Variants in COL25A1 observed in about 807,000 individuals in gnomAD.
COL25A1 encodes collagen type XXV alpha 1 chain, also known as collagen alpha-1(XXV) chain.
COL25A1 carries 103 observed loss-of-function variants against 128.4 expected under a neutral mutation model. The observed-to-expected ratio is 0.80, with a 90% CI of 0.68 to 0.94. The LOEUF (loss-of-function observed/expected upper bound fraction) is 0.94, where lower values mean the gene tolerates loss of function less well. Ranked by LOEUF, COL25A1 falls within the 40% of genes least tolerant of loss-of-function variation. COL25A1 has a pLI of 0.00. For synonymous variants in COL25A1, 279 were observed against 277.2 expected (o/e 1.01, Z -0.06); for missense variants, 745 against 840.0 (o/e 0.89, Z 1.40).
chr4:108,960,847 T>G (rs541479601), intron 8 of COL25A1, among the ~76,000 whole-genome samples: 1 of 152,152 alleles, frequency 6.6e-6, no homozygotes, highest in Non-Finnish European at 1.5e-5. Context: ...CAGTCTTTGA[T>G]GCGATCATCA....
intron 8 of COL25A1, among the ~76,000 whole-genome samples, chr4:108,964,924 T>C (rs1039451658): frequency 2.6e-5 from 4 of 152,210 alleles, no homozygotes; most frequent in African/African-American, 9.6e-5. Context: ...CATTGTGTTA[T>C]ATCCATTCCC....
At chr4:108,948,990 C>T (rs557607030) in intron 8 of COL25A1, among the ~76,000 whole-genome samples, 2 of 152,118 alleles carry the variant, frequency 1.3e-5, no homozygotes, top group East Asian at 3.9e-4. Flanking sequence ...AAAGTGTTCC[C>T]TAATGACATA....
At chr4:109,010,266 C>T (rs1756447376) in intron 6 of COL25A1, 92 bp downstream of exon 6, 2 of 1,059,598 alleles carry the variant, frequency 1.9e-6, no homozygotes, top group South Asian at 2.9e-5. Flanking sequence ...CAGTTCATAG[C>T]TTTTTTATAT....
chr4:108,905,554 ATTAC>A (rs1743384139), intron 13 of COL25A1, among the ~76,000 whole-genome samples: 2 of 150,706 alleles, frequency 1.3e-5, no homozygotes, highest in East Asian at 1.9e-4. Context: ...TAATAATAAT[ATTAC>A]TTGTTTCTTT....
At chr4:109,220,038 T>C (rs1181646902) in intron 3 of COL25A1, among the ~76,000 whole-genome samples, 1 of 152,222 alleles carries the variant, frequency 6.6e-6, no homozygotes, top group African/African-American at 2.4e-5. Flanking sequence ...CTGTCATTTA[T>C]AGTCTTACTT....
At position 109,013,841 on chromosome 4, in the gene COL25A1, A is replaced by C. The variant is rs4085275; in HGVS notation, c.421-3466T>G. On this transcript the variant is annotated intron_variant, in intron 5 of 37. Coordinates refer to ENST00000399132, the MANE Select transcript of COL25A1 (RefSeq NM_198721.4). ...ATCTTTAAGAACTGTAACACTCACC[A>C]TGAGAATCCGTGGCTTCATTCTTGA... is the stretch of plus-strand genomic sequence containing the variant. Among the ~76,000 whole-genome samples, 5 of 151,938 alleles carry C rather than the reference A, an allele frequency of 3.3e-5. 1 individual carries two copies. The highest frequency in any genetic ancestry group is 1.2e-4 in the African/African-American group (5 of 41,366).
intron 6 of COL25A1, among the ~76,000 whole-genome samples, chr4:108,997,791 T>C (rs189879797): frequency 2.6e-5 from 4 of 152,322 alleles, no homozygotes; most frequent in Admixed American, 2.6e-4. Flanking sequence ...CAAGTCAGCT[T>C]CATTCCTGGG....
At chr4:109,151,761 C>T (rs1166458984) in intron 3 of COL25A1, among the ~76,000 whole-genome samples, 1 of 152,090 alleles carries the variant, frequency 6.6e-6, no homozygotes, top group African/African-American at 2.4e-5. Context: ...TAAAGGCTTC[C>T]ATGTTTCTAA....
chr4:108,848,091 G>T (rs963266874), intron 27 of COL25A1, among the ~76,000 whole-genome samples: 1 of 152,166 alleles, frequency 6.6e-6, no homozygotes, highest in Non-Finnish European at 1.5e-5. Flanking sequence ...TCATCCCAGG[G>T]ATTGTTTTTG....
chr4:109,121,193 T>TA (rs1455303647), intron 3 of COL25A1, among the ~76,000 whole-genome samples: 2 of 152,118 alleles, frequency 1.3e-5, no homozygotes, highest in Non-Finnish European at 2.9e-5. Flanking sequence ...ATAAAACTCC[T>TA]ATGTGATAAC....
At chr4:108,902,047 C>G (rs1325593106) in intron 13 of COL25A1, among the ~76,000 whole-genome samples, 6 of 151,972 alleles carry the variant, frequency 3.9e-5, no homozygotes, top group Non-Finnish European at 5.9e-5. Context: ...TTTCTTCTTT[C>G]CATTGAGGCT....
chr4:109,093,280 A>G (rs887234854), intron 3 of COL25A1, among the ~76,000 whole-genome samples: 9 of 152,076 alleles, frequency 5.9e-5, no homozygotes, highest in Non-Finnish European at 1.3e-4. Context: ...GTAGATTGCA[A>G]CTAAAAATCA....
rs79487260 is a variant in COL25A1, at chr4:109,206,372, C to T, written c.367+94211G>A. Among the ~76,000 whole-genome samples the T allele has an allele frequency of 0.012, 1,754 of 152,218 alleles. 60 individuals are homozygous for T. In the South Asian group the frequency reaches 0.14, roughly 12 times the overall value. ...TAATTATAACTGCCACAAACTATTG[C>T]GTGCTGATGTTATGAAAATAAATGA... On this transcript the variant is annotated intron_variant, in intron 3 of 37. Transcript: ENST00000399132.
At chr4:108,904,918 TA>T (rs923274014) in intron 13 of COL25A1, among the ~76,000 whole-genome samples, 20 of 138,858 alleles carry the variant, frequency 1.4e-4, no homozygotes, top group Admixed American at 8.1e-4. Context: ...ATTTTTTTTT[TA>T]AAAAAACAAC....
intron 13 of COL25A1, among the ~76,000 whole-genome samples, chr4:108,905,723 C>T (rs1320936904): frequency 1.3e-5 from 2 of 151,738 alleles, no homozygotes; most frequent in Non-Finnish European, 2.9e-5. Flanking sequence ...GCCTTTAAAA[C>T]CAAGGAAGGA....
At chr4:108,846,822 G>A (rs1312795052) in intron 27 of COL25A1, among the ~76,000 whole-genome samples, 1 of 152,006 alleles carries the variant, frequency 6.6e-6, no homozygotes, top group Middle Eastern at 3.4e-3. Context: ...TATGAGATGA[G>A]TCAGAATGGT....
At chr4:109,142,492 A>AG (rs1223906651) in intron 3 of COL25A1, among the ~76,000 whole-genome samples, 5 of 151,218 alleles carry the variant, frequency 3.3e-5, no homozygotes, top group African/African-American at 1.2e-4. Flanking sequence ...CTGTCTCGTT[A>AG]ATCTAATATT....
intron 18 of COL25A1, among the ~76,000 whole-genome samples, chr4:108,884,500 A>G (rs940353723): frequency 1.3e-5 from 2 of 152,130 alleles, no homozygotes; most frequent in Non-Finnish European, 2.9e-5. Context: ...GTCAAAAGAG[A>G]AGAAACTCCC....
intron 3 of COL25A1, among the ~76,000 whole-genome samples, chr4:109,136,590 A>C (rs1285290443): frequency 7.9e-5 from 12 of 152,230 alleles, no homozygotes. Flanking sequence ...AGAATGTCCC[A>C]TTGCTTGGAA....
Sources: allele counts gnomAD v4.1 joint callset (sites outside exome capture counted in the v4.1 genomes callset), GRCh38; gene constraint gnomAD v4.1.1; transcripts MANE v1.5; gene names NCBI Gene and HGNC (gene_info 2026-07-23, HGNC 2026-07-21).